Variants in CEP63 observed in about 807,000 individuals in gnomAD.
CEP63 encodes centrosomal protein of 63 kDa.
A neutral mutation model predicts 89.1 loss-of-function variants in CEP63; 84 were observed. That is an observed-to-expected ratio of 0.94 (90% confidence interval 0.79 to 1.13). CEP63 has a LOEUF of 1.13. Ranked by LOEUF, CEP63 falls within the 50% of genes most tolerant of loss-of-function variation. CEP63 has a pLI of 0.00. For synonymous variants in CEP63, 267 were observed against 272.5 expected (o/e 0.98, Z 0.20); for missense variants, 838 against 813.3 (o/e 1.03, Z -0.37).
chr3:134,646,299 C>A, the CEP63 span, among the ~76,000 whole-genome samples: 3 of 152,174 alleles, frequency 2.0e-5, no homozygotes, highest in East Asian at 5.8e-4. Context: ...CCCATGCATG[C>A]CTGTCAGGGT....
chr3:134,489,375 G>C (rs1936865695), intron 1 of CEP63, among the ~76,000 whole-genome samples: 1 of 151,940 alleles, frequency 6.6e-6, no homozygotes, highest in South Asian at 2.1e-4. Context: ...TGGGATAGTT[G>C]GGGGGGTTGG....
chr3:134,594,255 G>A, the CEP63 span, among the ~76,000 whole-genome samples: 3 of 152,058 alleles, frequency 2.0e-5, no homozygotes, highest in Admixed American at 1.3e-4. Flanking sequence ...TCTGCACTTC[G>A]TCAGTCATTC....
the CEP63 span, among the ~76,000 whole-genome samples, chr3:134,733,758 G>A: frequency 6.6e-6 from 1 of 152,188 alleles, no homozygotes; most frequent in South Asian, 2.1e-4. Flanking sequence ...AGATTTCAGA[G>A]GGATCCTGGC....
At chr3:134,493,253 C>T (rs372788306) in intron 1 of CEP63, among the ~76,000 whole-genome samples, 5 of 151,868 alleles carry the variant, frequency 3.3e-5, no homozygotes, top group East Asian at 3.9e-4. Context: ...TGGAAGAAAC[C>T]TTAGAGAATA....
At chr3:134,606,850 C>G in the CEP63 span, among the ~76,000 whole-genome samples, 1 of 151,786 alleles carries the variant, frequency 6.6e-6, no homozygotes, top group Admixed American at 6.6e-5. Context: ...CCACGGCACT[C>G]TCCTAGAGCC....
At chr3:134,542,409 G>A (rs1411988349) in intron 6 of CEP63, among the ~76,000 whole-genome samples, 1 of 152,172 alleles carries the variant, frequency 6.6e-6, no homozygotes, top group African/African-American at 2.4e-5. Flanking sequence ...ACACAACAGT[G>A]ATAAGAGAAT....
intron 3 of CEP63, among the ~76,000 whole-genome samples, chr3:134,528,571 T>C (rs1462679866): frequency 6.6e-6 from 1 of 150,918 alleles, no homozygotes; most frequent in Non-Finnish European, 1.5e-5. Flanking sequence ...TGTGTGTGCG[T>C]GTGTGTGTGT....
chr3:134,706,581 A>G, the CEP63 span, among the ~76,000 whole-genome samples: 1 of 152,076 alleles, frequency 6.6e-6, no homozygotes, highest in Non-Finnish European at 1.5e-5. Context: ...CAGTCTCATC[A>G]ACTCTCCCCT....
At chr3:134,714,302 T>C in the CEP63 span, among the ~76,000 whole-genome samples, 3 of 152,202 alleles carry the variant, frequency 2.0e-5, no homozygotes, top group Admixed American at 2.0e-4. Flanking sequence ...CTTTTTTAAA[T>C]ATAAAATTTA....
At chr3:134,556,739 G>C (rs1212064967) in intron 12 of CEP63, among the ~76,000 whole-genome samples, 1 of 152,166 alleles carries the variant, frequency 6.6e-6, no homozygotes, top group Non-Finnish European at 1.5e-5. Flanking sequence ...AATAATAGTG[G>C]TAATACTGTT....
chr3:134,500,814 T>C (rs1244017047), intron 2 of CEP63, among the ~76,000 whole-genome samples: 2 of 152,180 alleles, frequency 1.3e-5, no homozygotes, highest in African/African-American at 2.4e-5. Flanking sequence ...AGTTTTTTTT[T>C]CTGTGCAGAA....
At chr3:134,650,935 G>A in the CEP63 span, 4 of 1,613,374 alleles carry the variant, frequency 2.5e-6, no homozygotes, top group African/African-American at 1.3e-5. Context: ...GATAGATACA[G>A]CGTTGATGTC....
Position 134,558,157 on chromosome 3 carries a change from C to T in CEP63, c.1483C>T (p.Leu495=), listed in dbSNP as rs535694503. 1 of 1,613,112 alleles carries T rather than the reference C, an allele frequency of 6.2e-7. No individual in the cohort carries two copies. Among genetic ancestry groups the T allele is most frequent in the South Asian group, 1.1e-5 (1 of 91,052 alleles). Residue 495 remains leucine (L), a synonymous_variant, in exon 13 of 15, where the codon CTA becomes TTA. Coordinates refer to ENST00000675561, the MANE Select transcript of CEP63 (RefSeq NM_001353108.3). Reference sequence around the variant, plus strand: ...TTTTTATTAGGCAAAAGAGATTTCACTAGCAGACCTCCAGGAGAATTATAT... The same window carrying T: ...TTTTTATTAGGCAAAAGAGATTTCATTAGCAGACCTCCAGGAGAATTATAT... ...LGLHEAKEIS[L]ADLQENYIEA... is the part of the protein sequence containing the mutation.
the CEP63 span, among the ~76,000 whole-genome samples, chr3:134,668,136 A>G: frequency 6.6e-6 from 1 of 152,178 alleles, no homozygotes; most frequent in South Asian, 2.1e-4. Context: ...ACCGCCTCAC[A>G]TCAGACCTCA....
intron 3 of CEP63, among the ~76,000 whole-genome samples, chr3:134,516,877 T>C (rs1237431415): frequency 6.6e-6 from 1 of 152,174 alleles, no homozygotes; most frequent in African/African-American, 2.4e-5. Context: ...TGATCTCTCT[T>C]TCCTTTCCCC....
rs1419698811 is a variant in CEP63 at position 134,562,804 on chromosome 3, CCT to C, written c.*1274_*1275del. ...TTCTGTGACCTGGAACTTCTGGTTT[CCT>C]CTCTACCTCATCCTCCACTCCATCT... On this transcript the variant is annotated 3_prime_UTR_variant, in exon 15 of 15. Coordinates refer to ENST00000675561, the MANE Select transcript of CEP63 (RefSeq NM_001353108.3). The C allele has an allele frequency of 1.3e-5, 2 of 152,684 alleles. No homozygotes were observed. The highest frequency in any genetic ancestry group is 2.9e-5 in the Non-Finnish European group (2 of 68,392). The allele number at this position is 152,684 out of a possible 1,614,324, so 9.5% of individuals were successfully genotyped here. A position where few individuals can be genotyped will look rare whatever the true frequency, so the allele number is the denominator to read the frequency against.
Position 134,564,500 on chromosome 3 carries a change from C to G in CEP63, c.*2965C>G, listed in dbSNP as rs1381809726. 1.0e-6 allele frequency: 1 copy of G among 985,328 alleles called. No individual in the cohort carries two copies. Among genetic ancestry groups the G allele is most frequent in the East Asian group, 1.1e-4 (1 of 8,828 alleles). The allele number at this position is 985,328 out of a possible 1,614,324, so 61.0% of individuals were successfully genotyped here. A position where few individuals can be genotyped will look rare whatever the true frequency, so the allele number is the denominator to read the frequency against. On this transcript the variant is annotated 3_prime_UTR_variant, in exon 15 of 15. Transcript: ENST00000675561. ...GCTATCCGCTTTGATTTCTGTCTTT[C>G]AGGGGCTAAGTCCTGCCTACATCCT... is the stretch of plus-strand genomic sequence containing the variant.
At chr3:134,552,085 A>T in intron 12 of CEP63, 73 bp downstream of exon 12, 2 of 810,646 alleles carry the variant, frequency 2.5e-6, no homozygotes, top group Non-Finnish European at 4.1e-6. Flanking sequence ...TATTTACATT[A>T]TAAAGAGAGA....
chr3:134,695,497 G>A, the CEP63 span, among the ~76,000 whole-genome samples: 1 of 152,336 alleles, frequency 6.6e-6, no homozygotes, highest in South Asian at 2.1e-4. Flanking sequence ...ACTCACAGGA[G>A]GACACTGTGG....
Sources: allele counts gnomAD v4.1 joint callset (sites outside exome capture counted in the v4.1 genomes callset), GRCh38; gene constraint gnomAD v4.1.1; transcripts MANE v1.5; gene names NCBI Gene and HGNC (gene_info 2026-07-23, HGNC 2026-07-21).